The following CDH8 variants were observed in gnomAD, a reference collection of about 807,000 sequenced individuals.
The protein encoded by CDH8 is cadherin 8, also known as cadherin-8.
CDH8 carries 17 observed loss-of-function variants against 68.1 expected under a neutral mutation model. The observed-to-expected ratio is 0.25, with a 90% confidence interval of 0.17 to 0.37. The LOEUF (loss-of-function observed/expected upper bound fraction) is 0.37. CDH8 is among the 10% of genes least tolerant of loss of function. The pLI, the probability that CDH8 is intolerant of heterozygous loss-of-function variation, is 1.00. For missense variants in CDH8, 763 were observed against 999.3 expected (o/e 0.76, Z 3.19); for synonymous variants, 372 against 365.1 (o/e 1.02, Z -0.21).
At position 61,825,143 on chromosome 16, in the gene CDH8, T is replaced by C; in HGVS notation, c.704A>G (p.Glu235Gly). ...IKTALPNMDR[E>G]AKEEYLVVIQ... ...AACAACCAGGTACTCCTCCTTGGCTTCTCTGTCCATGTTGGGAAGGGCAGT... is the reference window on the plus strand; with the variant it reads ...AACAACCAGGTACTCCTCCTTGGCTCCTCTGTCCATGTTGGGAAGGGCAGT... The change falls in exon 5 of 12, where the codon GAA becomes GGA. Residue 235 changes from glutamate to glycine, a missense_variant. Coordinates refer to ENST00000577390, the MANE Select transcript of CDH8 (RefSeq NM_001796.5). 6.2e-7 allele frequency: 1 copy of C among 1,611,052 alleles called. No individual in the cohort carries two copies. The highest frequency in any genetic ancestry group is 8.5e-7 in the Non-Finnish European group (1 of 1,178,448).
chr16:61,915,428 T>A (rs983023881), intron 2 of CDH8, among the ~76,000 whole-genome samples: 4 of 152,234 alleles, frequency 2.6e-5, no homozygotes, highest in Non-Finnish European at 5.9e-5. Context: ...GAGATTTAAT[T>A]GTTTGCTCAA....
chr16:61,794,125 C>T (rs1961445471), intron 7 of CDH8, among the ~76,000 whole-genome samples: 1 of 152,012 alleles, frequency 6.6e-6, no homozygotes, highest in South Asian at 2.1e-4. Flanking sequence ...GCTTCCATCT[C>T]CCAAGTTCTT....
chr16:61,783,952 G>T (rs1220117500), intron 8 of CDH8, among the ~76,000 whole-genome samples: 1 of 152,074 alleles, frequency 6.6e-6, no homozygotes, highest in African/African-American at 2.4e-5. Context: ...AACATGGAAA[G>T]GAACAACCGG....
chr16:61,721,116 A>G (rs1959213542), intron 9 of CDH8, among the ~76,000 whole-genome samples: 1 of 150,670 alleles, frequency 6.6e-6, no homozygotes, highest in African/African-American at 2.4e-5. Context: ...TCCAATATAT[A>G]TATATTCACT....
intron 10 of CDH8, among the ~76,000 whole-genome samples, chr16:61,679,489 T>C (rs4416006): frequency 0.27 from 41,547 of 151,838 alleles, 5,877 homozygotes; most frequent in African/African-American, 0.32. Context: ...CTGTGCTCTG[T>C]AAAAAGCAAT....
intron 2 of CDH8, among the ~76,000 whole-genome samples, chr16:61,901,697 C>T (rs577397979): frequency 2.6e-5 from 4 of 152,040 alleles, no homozygotes; most frequent in Admixed American, 6.6e-5. Flanking sequence ...GTACTCTGGC[C>T]TGTTTAGTAT....
intron 2 of CDH8, among the ~76,000 whole-genome samples, chr16:62,011,561 G>C (rs1311395867): frequency 6.6e-6 from 1 of 152,124 alleles, no homozygotes; most frequent in Non-Finnish European, 1.5e-5. Flanking sequence ...GAGCAAAAAA[G>C]CATGATTTGA....
At chr16:61,817,214 A>G (rs1475980330) in intron 7 of CDH8, among the ~76,000 whole-genome samples, 2 of 152,156 alleles carry the variant, frequency 1.3e-5, no homozygotes, top group Non-Finnish European at 2.9e-5. Flanking sequence ...TTGCATTTTC[A>G]TAGAGCTCTC....
intron 4 of CDH8, among the ~76,000 whole-genome samples, chr16:61,831,138 T>A (rs1259548231): frequency 6.6e-6 from 1 of 151,696 alleles, no homozygotes; most frequent in Non-Finnish European, 1.5e-5. Flanking sequence ...TAGTTCCAGA[T>A]GAGAGAATAC....
intron 10 of CDH8, among the ~76,000 whole-genome samples, chr16:61,665,152 A>C (rs1275804380): frequency 6.6e-6 from 1 of 151,898 alleles, no homozygotes; most frequent in Non-Finnish European, 1.5e-5. Context: ...AAGAAGAGAC[A>C]CTAAAGACCT....
intron 10 of CDH8, among the ~76,000 whole-genome samples, chr16:61,679,468 T>C (rs1963974130): frequency 6.6e-6 from 1 of 152,030 alleles, no homozygotes; most frequent in South Asian, 2.1e-4. Flanking sequence ...CTGTCAGACA[T>C]GTACCAGTTA....
At chr16:61,746,127 C>T (rs924896401) in intron 8 of CDH8, among the ~76,000 whole-genome samples, 7 of 152,146 alleles carry the variant, frequency 4.6e-5, no homozygotes, top group South Asian at 4.1e-4. Flanking sequence ...CTCTTTGAAA[C>T]GTTTAAATCC....
intron 2 of CDH8, 67 bp downstream of exon 2, chr16:62,021,085 G>C: frequency 1.5e-6 from 2 of 1,344,302 alleles, no homozygotes; most frequent in Non-Finnish European, 2.1e-6. Flanking sequence ...ATTAAAAAGA[G>C]TCTGGTATTA....
intron 8 of CDH8, among the ~76,000 whole-genome samples, chr16:61,757,820 G>T (rs75280858): frequency 0.15 from 23,369 of 152,094 alleles, 1,899 homozygotes; most frequent in Middle Eastern, 0.24. Flanking sequence ...ATCACATTCT[G>T]CAGAGACAAA....
intron 7 of CDH8, among the ~76,000 whole-genome samples, chr16:61,816,424 G>A (rs1962076561): frequency 6.6e-6 from 1 of 152,150 alleles, no homozygotes; most frequent in African/African-American, 2.4e-5. Context: ...TTCCCCAAAT[G>A]AAGTAATTGG....
chr16:61,689,517 G>C (rs1964176439), intron 10 of CDH8, among the ~76,000 whole-genome samples: 1 of 151,860 alleles, frequency 6.6e-6, no homozygotes, highest in Admixed American at 6.6e-5. Context: ...CCCCTCCTTA[G>C]CTTTGTGACT....
At chr16:61,859,991 G>T (rs554644967) in intron 3 of CDH8, among the ~76,000 whole-genome samples, 1 of 152,166 alleles carries the variant, frequency 6.6e-6, no homozygotes, top group Admixed American at 6.5e-5. Flanking sequence ...ATTACAGTGT[G>T]CTCCACCATG....
At chr16:61,683,763 T>A (rs1474296857) in intron 10 of CDH8, among the ~76,000 whole-genome samples, 34 of 152,032 alleles carry the variant, frequency 2.2e-4, no homozygotes, top group Non-Finnish European at 4.4e-5. Flanking sequence ...TATTCTGAAA[T>A]CCATTTGAGC....
At chr16:61,888,068 C>T (rs1166284691) in intron 3 of CDH8, among the ~76,000 whole-genome samples, 3 of 152,132 alleles carry the variant, frequency 2.0e-5, no homozygotes, top group South Asian at 4.1e-4. Flanking sequence ...GAAGTGAGAG[C>T]AAGACATCAG....
Sources: allele counts gnomAD v4.1 joint callset (sites outside exome capture counted in the v4.1 genomes callset), GRCh38; gene constraint gnomAD v4.1.1; transcripts MANE v1.5; gene names NCBI Gene and HGNC (gene_info 2026-07-23, HGNC 2026-07-21).